Variants in HPS5 observed in about 807,000 individuals in gnomAD.
HPS5 encodes the protein HPS5 biogenesis of lysosomal organelles complex 2 subunit 2, also known as BLOC-2 complex member HPS5.
HPS5 carries 83 observed loss-of-function variants against 128.0 expected under a neutral mutation model. The observed-to-expected ratio is 0.65, with a 90% confidence interval of 0.54 to 0.78. HPS5 has a LOEUF of 0.78. HPS5 is among the 30% of genes least tolerant of loss of function. HPS5 has a pLI of 0.00. For missense variants in HPS5, 1,281 were observed against 1,326.2 expected, an observed-to-expected ratio of 0.97 and a Z score of 0.53; for synonymous variants, 475 against 470.2, an observed-to-expected ratio of 1.01 and a Z score of -0.13.
intron 8 of HPS5, among the ~76,000 whole-genome samples, chr11:18,303,068 G>GAAAGTGATATC (rs145675966): frequency 0.14 from 21,416 of 152,074 alleles, 1,596 homozygotes; most frequent in African/African-American, 0.19. Context: ...TTCCAGAAAG[G>GAAAGTGATATC]AATGTGCCTG....
rs760989387 is a variant in HPS5 at position 18,282,161 on chromosome 11, T to C, written c.3118A>G (p.Ser1040Gly). ...GACTCCTGGGGGGCTGGCCTCGTGC[T>C]CTTGCTCTGTATGAGATGAAGGAGA... is the stretch of plus-strand genomic sequence containing the variant. The part of the protein sequence containing the change: ...KLLLHLIQSK[S>G]TRPAPQESLN... The change falls in exon 22 of 23, where the codon AGC (serine) becomes GGC (glycine). Residue 1040 changes from serine (S) to glycine (G), a missense_variant. By Grantham distance (56) the Ser-to-Gly change is moderately conservative. Transcript: ENST00000349215. The C allele has an allele frequency of 1.2e-6, 2 of 1,614,192 alleles. No homozygotes were observed. Among genetic ancestry groups the C allele is most frequent in the Admixed American group, 3.3e-5 (2 of 60,022 alleles).
chr11:18,279,891 C>T lies in HPS5; in HGVS notation c.3381G>A (p.Gln1127=). The change falls in exon 23 of 23, where the codon CAG becomes CAA. Residue 1127 remains glutamine (Q), a synonymous_variant. Transcript: ENST00000349215. ...LEKCDRFLWS[Q]QA is the part of the protein sequence containing the mutation. The stretch of plus-strand genomic sequence containing the variant: ...GCTGAATCTTCTCCCACTAGGCCTG[C>T]TGGGACCAGAGAAACCGATCGCATT... 1 of 1,613,986 alleles carries T rather than the reference C, an allele frequency of 6.2e-7. No homozygotes were observed. Among genetic ancestry groups the T allele is most frequent in the East Asian group, 2.2e-5 (1 of 44,884 alleles).
chr11:18,279,609 A>G lies in HPS5; in HGVS notation c.*273T>C, dbSNP rs1858610701. 1 of 500,268 alleles carries G rather than the reference A, an allele frequency of 2.0e-6. No individual in the cohort carries two copies. The highest frequency in any genetic ancestry group is 3.6e-6 in the Non-Finnish European group (1 of 276,402). 31.0% of individuals were successfully genotyped at this position (500,268 alleles called of 1,614,324 possible). On this transcript the variant is annotated 3_prime_UTR_variant, in exon 23 of 23. Transcript: ENST00000349215. ...TTCGGAATAATACTAGGACATTAAC[A>G]TTCTAATTCCAGCAAACAAGGACTG...
chr11:18,283,650 AC>A lies in HPS5; in HGVS notation c.3058+144del, dbSNP rs1859322643. 5.8e-5 allele frequency: 39 copies of A among 667,168 alleles called. 2 individuals carry two copies. The South Asian group carries it at 6.6e-4, about 11-fold the overall frequency. 41.3% of individuals were successfully genotyped at this position (667,168 alleles called of 1,614,324 possible). On this transcript the variant is annotated intron_variant, in intron 21 of 22. Coordinates refer to ENST00000349215, the MANE Select transcript of HPS5 (RefSeq NM_181507.2). ...CTATAGGTAAAAAACAAAAACAAAAACAAAAACTCCACAAATGTGACAACTA... is the reference window on the plus strand; with the variant it reads ...CTATAGGTAAAAAACAAAAACAAAAAAAAAACTCCACAAATGTGACAACTA...
At chr11:18,297,045 T>G in intron 11 of HPS5, 61 bp from the exon 12 acceptor site, 2 of 1,055,740 alleles carry the variant, frequency 1.9e-6, no homozygotes, top group Middle Eastern at 3.0e-4. Flanking sequence ...AACGTTAATA[T>G]AACTTCTGCA....
At position 18,281,948 on chromosome 11, in the gene HPS5, A is replaced by T. The variant is rs1173949759; in HGVS notation, c.3329+2T>A. 1 of 1,614,112 alleles carries T rather than the reference A, an allele frequency of 6.2e-7. No individual in the cohort carries two copies. The highest frequency in any genetic ancestry group is 1.7e-5 in the Admixed American group (1 of 60,014). ...GCAGAGGGTAGGACAAACTGATATT[A>T]CCTCTGCCTTTTCTCAGCAATCCTC... On this transcript the variant is annotated splice_donor_variant, in intron 22 of 22. Coordinates refer to ENST00000349215, the MANE Select transcript of HPS5 (RefSeq NM_181507.2). LOFTEE classifies it high-confidence loss of function.
At chr11:18,306,420 G>C (rs1862377545) in intron 6 of HPS5, 73 bp from the exon 7 acceptor site, 1 of 950,758 alleles carries the variant, frequency 1.1e-6, no homozygotes, top group African/African-American at 1.6e-5. Context: ...CTACAAATCA[G>C]CATGGGCATA....
intron 21 of HPS5, among the ~76,000 whole-genome samples, 184 bp from the exon 22 acceptor site, chr11:18,282,404 A>C (rs576254356): frequency 6.6e-6 from 1 of 152,140 alleles, no homozygotes; most frequent in African/African-American, 2.4e-5. Context: ...GAGAAAGAGA[A>C]GCCACAAAAT....
intron 2 of HPS5, among the ~76,000 whole-genome samples, chr11:18,312,461 G>A (rs1863124047): frequency 6.6e-6 from 1 of 152,192 alleles, no homozygotes; most frequent in African/African-American, 2.4e-5. Context: ...CAAGTCTTAG[G>A]GTAGGTGAGA....
At chr11:18,309,127 C>A (rs761398170) in intron 5 of HPS5, 48 bp from the exon 6 acceptor site, 13 of 1,533,850 alleles carry the variant, frequency 8.5e-6, no homozygotes, top group Non-Finnish European at 1.2e-5. Context: ...TCATAACATA[C>A]ACATGCAATC....
At chr11:18,307,818 T>C (rs890248580) in intron 6 of HPS5, among the ~76,000 whole-genome samples, 1 of 151,990 alleles carries the variant, frequency 6.6e-6, no homozygotes, top group African/African-American at 2.4e-5. Flanking sequence ...TTAACATAAG[T>C]ATATATTTTA....
chr11:18,317,077 C>T (rs2133897955), intron 2 of HPS5, among the ~76,000 whole-genome samples: 1 of 152,016 alleles, frequency 6.6e-6, no homozygotes, highest in East Asian at 2.0e-4. Flanking sequence ...ACATGTGGTC[C>T]CAGCTACTTG....
intron 22 of HPS5, among the ~76,000 whole-genome samples, chr11:18,281,441 C>T (rs1858939546): frequency 6.6e-6 from 1 of 151,648 alleles, no homozygotes; most frequent in South Asian, 2.1e-4. Flanking sequence ...CGCTCTGTCA[C>T]CAGGCTAGAG....
At chr11:18,311,322 C>T in intron 4 of HPS5, 65 bp downstream of exon 4, 1 of 1,180,988 alleles carries the variant, frequency 8.5e-7, no homozygotes, top group Admixed American at 1.7e-5. Flanking sequence ...GTCACCCTAA[C>T]AAACACATGT....
chr11:18,284,692 C>T (rs565987121), intron 20 of HPS5, among the ~76,000 whole-genome samples: 3 of 152,136 alleles, frequency 2.0e-5, no homozygotes, highest in Non-Finnish European at 4.4e-5. Context: ...CAAGTGCCTA[C>T]CACTATACAA....
chr11:18,314,234 G>A (rs772637667), intron 2 of HPS5, among the ~76,000 whole-genome samples: 33 of 151,690 alleles, frequency 2.2e-4, no homozygotes, highest in Admixed American at 3.9e-4. Context: ...TAGTAAGACC[G>A]CATCCCCCCT....
At chr11:18,291,054 A>G (rs903422025) in intron 16 of HPS5, among the ~76,000 whole-genome samples, 1 of 152,202 alleles carries the variant, frequency 6.6e-6, no homozygotes, top group Non-Finnish European at 1.5e-5. Context: ...CCCTGTCTCT[A>G]CTAAAATACA....
Position 18,310,731 on chromosome 11 carries a change from T to G in HPS5, c.477+10A>C. 6.2e-7 allele frequency: 1 copy of G among 1,604,844 alleles called. No homozygotes were observed. The highest frequency in any genetic ancestry group is 8.5e-7 in the Non-Finnish European group (1 of 1,172,548). ...TCACTACATACACAAAGAATGGGAC[T>G]GCTTCTCACCTTTGCTTGTTTAGAA... On this transcript the variant is annotated intron_variant, in intron 5 of 22. Coordinates refer to ENST00000349215, the MANE Select transcript of HPS5 (RefSeq NM_181507.2).
At chr11:18,305,621 T>C in intron 7 of HPS5, 128 bp from the exon 8 acceptor site, 1 of 652,158 alleles carries the variant, frequency 1.5e-6, no homozygotes, top group Non-Finnish European at 2.7e-6. Context: ...TCTGCCCTTA[T>C]TCGCCTGACA....
Sources: allele counts gnomAD v4.1 joint callset (sites outside exome capture counted in the v4.1 genomes callset), GRCh38; gene constraint gnomAD v4.1.1; transcripts MANE v1.5; gene names NCBI Gene and HGNC (gene_info 2026-07-23, HGNC 2026-07-21).